ASH1L: variants seen among roughly 807,000 people sequenced by gnomAD.
The protein encoded by ASH1L is histone-lysine N-methyltransferase ASH1L.
A neutral mutation model predicts 269.0 loss-of-function variants in ASH1L; 23 were observed. That is an observed-to-expected ratio of 0.09 (90% CI 0.06 to 0.12). The LOEUF (loss-of-function observed/expected upper bound fraction) is 0.12, where lower values mean the gene tolerates loss of function less well. Ranked by LOEUF, ASH1L falls within the 10% of genes least tolerant of loss-of-function variation. The pLI is 1.00. For missense variants in ASH1L, 2,912 were observed against 3,567.8 expected (o/e 0.82, Z 4.68); for synonymous variants, 1,187 against 1,253.5 (o/e 0.95, Z 1.12).
chr1:155,505,112 G>A lies in ASH1L; in HGVS notation c.420+15988C>T, dbSNP rs144722719. Among the ~76,000 whole-genome samples the A allele has an allele frequency of 2.6e-5, 4 of 151,964 alleles. No homozygotes were observed. In the East Asian group the frequency reaches 5.8e-4, roughly 22 times the overall value. ...CTTTTTGTTTTTTTCCACTGCGCCC[G>A]GCCTCATTATTTATATTTTCTTACT... On this transcript the variant is annotated intron_variant, in intron 2 of 27. Transcript: ENST00000392403.
chr1:155,339,958 G>A lies in ASH1L; in HGVS notation c.8461-590C>T, dbSNP rs569432562. ...TCCATTATAATCTTACGGGATCACC[G>A]TTGTATATGCAGTCCAATGTTGACT... On this transcript the variant is annotated intron_variant, in intron 25 of 27. Transcript: ENST00000392403. Among the ~76,000 whole-genome samples, 11 of 152,068 alleles carry A rather than the reference G, an allele frequency of 7.2e-5. No homozygotes were observed. In the East Asian group the frequency reaches 9.6e-4, roughly 13 times the overall value.
rs2148943628 is a variant in ASH1L, at chr1:155,562,778, C to G, written c.-725G>C. ...GCGCCGGCGCAGGCCCTCACGCGTACCTTCAACGGCGCAAGCCCAAGCCTC... is the reference window on the plus strand; with the variant it reads ...GCGCCGGCGCAGGCCCTCACGCGTAGCTTCAACGGCGCAAGCCCAAGCCTC... On this transcript the variant is annotated 5_prime_UTR_variant, in exon 1 of 28. Coordinates refer to ENST00000392403, the MANE Select transcript of ASH1L (RefSeq NM_018489.3). 1.2e-6 allele frequency: 1 copy of G among 800,286 alleles called. No homozygotes were observed. Among genetic ancestry groups the G allele is most frequent in the African/African-American group, 1.7e-5 (1 of 58,660 alleles). The allele number at this position is 800,286 out of a possible 1,614,324, so 49.6% of individuals were successfully genotyped here.
rs139668237 is a variant in ASH1L at position 155,383,951 on chromosome 1, TA to T, written c.6104-3836del. Among the ~76,000 whole-genome samples the T allele has an allele frequency of 5.9e-3, 893 of 152,032 alleles. 9 individuals are homozygous for T. The highest frequency in any genetic ancestry group is 0.021 in the African/African-American group (856 of 41,502). ...GTGTTATGTATATTTTACTGGAAGT[TA>T]AAAAAAATGTAATATATCAAAAACT... On this transcript the variant is annotated intron_variant, in intron 7 of 27. Transcript: ENST00000392403.
intron 2 of ASH1L, among the ~76,000 whole-genome samples, chr1:155,484,210 C>T (rs1304984358): frequency 3.9e-5 from 6 of 152,096 alleles, no homozygotes; most frequent in South Asian, 2.1e-4. Flanking sequence ...AGCAATAGGC[C>T]GGGCATGGTG....
intron 2 of ASH1L, among the ~76,000 whole-genome samples, chr1:155,501,618 A>C (rs1667507070): frequency 1.3e-5 from 2 of 152,156 alleles, no homozygotes; most frequent in Non-Finnish European, 2.9e-5. Context: ...TGATCTGCCC[A>C]CCTTGGCATC....
intron 2 of ASH1L, among the ~76,000 whole-genome samples, chr1:155,510,506 A>G (rs1668100115): frequency 6.6e-6 from 1 of 151,880 alleles, no homozygotes; most frequent in Non-Finnish European, 1.5e-5. Context: ...TCTTTAGTAT[A>G]TACTATTTAA....
At chr1:155,395,736 C>T (rs1204898672) in intron 6 of ASH1L, among the ~76,000 whole-genome samples, 183 bp from the exon 7 acceptor site, 1 of 152,074 alleles carries the variant, frequency 6.6e-6, no homozygotes, top group African/African-American at 2.4e-5. Context: ...TGGGGGTTCA[C>T]GCCTGTAATC....
intron 3 of ASH1L, among the ~76,000 whole-genome samples, chr1:155,463,832 G>C (rs1003480723): frequency 6.6e-6 from 1 of 152,138 alleles, no homozygotes; most frequent in South Asian, 2.1e-4. Context: ...AGAGCAGTGA[G>C]TTATACCCAG....
Position 155,478,166 on chromosome 1 carries a change from G to A in ASH1L, c.4704C>T (p.Ala1568=). The A allele has an allele frequency of 3.1e-6, 5 of 1,614,016 alleles. No homozygotes were observed. Among genetic ancestry groups the A allele is most frequent in the Non-Finnish European group, 4.2e-6 (5 of 1,180,014 alleles). The change falls in exon 3 of 28, where the codon GCC becomes GCT. Residue 1568 remains alanine (A), a synonymous_variant. Coordinates refer to ENST00000392403, the MANE Select transcript of ASH1L (RefSeq NM_018489.3). This position sits in a 1 kb window ranked among gnomAD's most constrained non-coding sequence, Gnocchi z 4.6. The part of the protein sequence containing the change: ...HREPSESSPL[A]LGLQTPLQID... ...TCTGTAAAGGTGTCTGCAATCCCAA[G>A]GCCAATGGACTAGATTCTGAAGGCT...
At chr1:155,406,950 A>T (rs143756968) in intron 6 of ASH1L, among the ~76,000 whole-genome samples, 2 of 152,170 alleles carry the variant, frequency 1.3e-5, no homozygotes, top group Non-Finnish European at 2.9e-5. Flanking sequence ...GTTAAAAGAA[A>T]AAGATAATTA....
chr1:155,402,456 GAATGTAAAA>G (rs1658934576), intron 6 of ASH1L, among the ~76,000 whole-genome samples: 1 of 152,082 alleles, frequency 6.6e-6, no homozygotes, highest in Admixed American at 6.6e-5. Context: ...AAAAAGTACA[GAATGTAAAA>G]AATGGACATG....
Position 155,479,839 on chromosome 1 carries a change from T to G in ASH1L, c.3031A>C (p.Lys1011Gln), listed in dbSNP as rs1479429061. ...TGGAGTTTGGATTGCACTTTCCCTT[T>G]ATTACTTGATTCTACAGAACTTGAA... is the stretch of plus-strand genomic sequence containing the variant. ...ILSSSVESSNKGKVQSKLHNT... is the reference protein window; with the variant it reads ...ILSSSVESSNQGKVQSKLHNT... Residue 1011 changes from lysine to glutamine, a missense_variant, in exon 3 of 28, where the codon AAA becomes CAA. By Grantham distance (53) the Lys-to-Gln change is moderately conservative. Around this residue, in one of 13 missense-constraint regions of ASH1L, gnomAD observed 715 missense variants for 721.0 expected, o/e 0.99. Transcript: ENST00000392403. The G allele has an allele frequency of 6.2e-7, 1 of 1,614,008 alleles. No homozygotes were observed. Among genetic ancestry groups the G allele is most frequent in the African/African-American group, 1.3e-5 (1 of 75,026 alleles).
chr1:155,372,547 G>A (rs1349278622), intron 10 of ASH1L, among the ~76,000 whole-genome samples: 1 of 151,816 alleles, frequency 6.6e-6, no homozygotes. Flanking sequence ...GGCCTCAAGT[G>A]ATCCGCCCAC....
chr1:155,503,832 C>T (rs1238650618), intron 2 of ASH1L, among the ~76,000 whole-genome samples: 1 of 152,148 alleles, frequency 6.6e-6, no homozygotes, highest in Non-Finnish European at 1.5e-5. Context: ...TCAAGTGATC[C>T]TCCTGCCTCA....
rs943842189 is a variant in ASH1L, at chr1:155,495,953, G to A, written c.421-13504C>T. On this transcript the variant is annotated intron_variant, in intron 2 of 27. Transcript: ENST00000392403. The stretch of plus-strand genomic sequence containing the variant: ...GCGGAGGCTGCAGTGAGCCGAGATC[G>A]TGCTATTGCACTCCAGCCTGGGCAA... 8.5e-5 allele frequency among the ~76,000 whole-genome samples: 13 copies of A among 152,054 alleles called. 1 individual carries two copies. Among genetic ancestry groups the A allele is most frequent in the Non-Finnish European group, 1.8e-4 (12 of 67,992 alleles).
At chr1:155,376,780 G>A (rs28438500) in intron 10 of ASH1L, among the ~76,000 whole-genome samples, 7,836 of 151,288 alleles carry the variant, frequency 0.052, 687 homozygotes, top group African/African-American at 0.18. Flanking sequence ...TCTTGAACCC[G>A]GGAGGCAGAG....
At chr1:155,374,715 GA>G (rs1170893773) in intron 10 of ASH1L, among the ~76,000 whole-genome samples, 3 of 152,120 alleles carry the variant, frequency 2.0e-5, no homozygotes, top group African/African-American at 7.2e-5. Context: ...TTTTCTGGTA[GA>G]AATCCTTTTT....
rs1553265370 is a variant in ASH1L at position 155,479,496 on chromosome 1, G to A, written c.3374C>T (p.Ala1125Val). ...SGGQSPVSSD[A>V]GFVEPSSVPY... ...CACTGAACTGGGTTCAACAAAACCTGCATCACTACTTACAGGGCTCTGACC... is the reference window on the plus strand; with the variant it reads ...CACTGAACTGGGTTCAACAAAACCTACATCACTACTTACAGGGCTCTGACC... The change falls in exon 3 of 28, where the codon GCA becomes GTA. Residue 1125 changes from alanine (A) to valine (V), a missense_variant. By Grantham distance (64) the Ala-to-Val change is moderately conservative. This residue lies in a region of ASH1L where 157 missense variants were observed against 154.6 expected (regional missense o/e 1.02). Coordinates refer to ENST00000392403, the MANE Select transcript of ASH1L (RefSeq NM_018489.3). The A allele has an allele frequency of 6.2e-7, 1 of 1,614,160 alleles. No individual in the cohort carries two copies. Among genetic ancestry groups the A allele is most frequent in the South Asian group, 1.1e-5 (1 of 91,082 alleles).
chr1:155,353,099 G>T (rs565083566), intron 16 of ASH1L, among the ~76,000 whole-genome samples: 1 of 152,314 alleles, frequency 6.6e-6, no homozygotes, highest in South Asian at 2.1e-4. Context: ...TATAGCAGTT[G>T]TAAGTCTGGG....
Sources: gnomAD v4.1 joint callset for allele counts (sites outside exome capture counted in the v4.1 genomes callset) on GRCh38, gnomAD v4.1.1 for gene constraint, gnomAD v4.1.1 regional missense constraint, Gnocchi (gnomAD v3.1) non-coding constraint, MANE v1.5 for transcripts, NCBI Gene and HGNC (gene_info 2026-07-23, HGNC 2026-07-21) for gene names.